The following C1QTNF3 variants were observed in gnomAD, a reference collection of about 807,000 sequenced individuals.
The protein encoded by C1QTNF3 is C1q and TNF related 3.
Under a neutral mutation model 32.6 loss-of-function variants are expected in C1QTNF3, and 26 were observed. The ratio of observed to expected loss-of-function variants is 0.80; its 90% confidence interval spans 0.58 to 1.11. The LOEUF (loss-of-function observed/expected upper bound fraction) is 1.11, where lower values mean the gene tolerates loss of function less well. Ranked by LOEUF, C1QTNF3 falls within the 50% of genes least tolerant of loss-of-function variation. The pLI is 0.00. For missense variants in C1QTNF3, 362 were observed against 398.2 expected (o/e 0.91, Z 0.77); for synonymous variants, 155 against 146.0 (o/e 1.06, Z -0.44).
At chr5:34,145,373 T>A in the C1QTNF3 span, among the ~76,000 whole-genome samples, 2 of 151,934 alleles carry the variant, frequency 1.3e-5, no homozygotes, top group African/African-American at 4.8e-5. Context: ...AACAACTCTA[T>A]GCACAAAAAT....
chr5:34,094,592 T>C, the C1QTNF3 span, among the ~76,000 whole-genome samples: 1 of 151,652 alleles, frequency 6.6e-6, no homozygotes. Context: ...TACAAGATGA[T>C]TCAACAGGCT....
At chr5:34,058,886 T>C in the C1QTNF3 span, among the ~76,000 whole-genome samples, 1 of 152,108 alleles carries the variant, frequency 6.6e-6, no homozygotes, top group Admixed American at 6.6e-5. Flanking sequence ...CCAACTTTCT[T>C]TGAGGTTGAA....
the C1QTNF3 span, among the ~76,000 whole-genome samples, chr5:34,120,670 A>G: frequency 6.6e-6 from 1 of 152,154 alleles, no homozygotes; most frequent in African/African-American, 2.4e-5. Flanking sequence ...TGGTTTTATA[A>G]AGAGGTGTTT....
intron 3 of C1QTNF3, among the ~76,000 whole-genome samples, chr5:34,030,293 T>A (rs1208238486): frequency 6.6e-6 from 1 of 152,176 alleles, no homozygotes; most frequent in Non-Finnish European, 1.5e-5. Flanking sequence ...CTCTGCTTAA[T>A]CAGTAAAAGA....
the C1QTNF3 span, among the ~76,000 whole-genome samples, chr5:34,072,367 GAAAGAGAAAGAAAGAA>G: frequency 9.1e-5 from 10 of 109,682 alleles, no homozygotes; most frequent in African/African-American, 3.0e-4. Flanking sequence ...AATTAAAAAA[GAAAGAGAAAGAAAGAA>G]AGAAAGAAAG....
chr5:34,221,393 T>A, the C1QTNF3 span, among the ~76,000 whole-genome samples: 3 of 152,074 alleles, frequency 2.0e-5, no homozygotes, highest in Non-Finnish European at 4.4e-5. Flanking sequence ...ATCTCAATAT[T>A]CTGGTTGATG....
the C1QTNF3 span, among the ~76,000 whole-genome samples, chr5:34,146,970 A>C: frequency 6.6e-6 from 1 of 152,204 alleles, no homozygotes; most frequent in Non-Finnish European, 1.5e-5. Flanking sequence ...TTAAATCAAG[A>C]AACAAAAAAG....
chr5:34,041,211 T>C (rs990841131), intron 1 of C1QTNF3, among the ~76,000 whole-genome samples: 1 of 152,160 alleles, frequency 6.6e-6, no homozygotes, highest in African/African-American at 2.4e-5. Context: ...GTGGTTTCCA[T>C]AGCCGTTGGT....
chr5:34,111,140 T>C, the C1QTNF3 span, among the ~76,000 whole-genome samples: 1 of 152,342 alleles, frequency 6.6e-6, no homozygotes, highest in South Asian at 2.1e-4. Context: ...GAAAGCAACA[T>C]ACTTTATCTG....
chr5:34,044,221 T>C (rs572259552), upstream of C1QTNF3, among the ~76,000 whole-genome samples: 69 of 152,350 alleles, frequency 4.5e-4, no homozygotes, highest in Middle Eastern at 0.01. Flanking sequence ...AAAATGGACA[T>C]TCCTAATTGC....
the C1QTNF3 span, among the ~76,000 whole-genome samples, chr5:34,056,454 G>GTGTGTGTATATATATATATA: frequency 8.2e-5 from 4 of 48,968 alleles, no homozygotes; most frequent in East Asian, 9.8e-4. Flanking sequence ...GTGTGTGTGT[G>GTGTGTGTATATATATATATA]TATATATATA....
At chr5:34,207,729 T>C in the C1QTNF3 span, among the ~76,000 whole-genome samples, 1 of 151,972 alleles carries the variant, frequency 6.6e-6, no homozygotes, top group Non-Finnish European at 1.5e-5. Flanking sequence ...AATGGCTTGA[T>C]AACTTAAAGT....
At chr5:34,064,864 G>A in the C1QTNF3 span, among the ~76,000 whole-genome samples, 1 of 152,144 alleles carries the variant, frequency 6.6e-6, no homozygotes, top group African/African-American at 2.4e-5. Context: ...CATCTACATT[G>A]CGGTGTGTAA....
At chr5:34,177,059 G>C in the C1QTNF3 span, among the ~76,000 whole-genome samples, 1 of 152,034 alleles carries the variant, frequency 6.6e-6, no homozygotes, top group African/African-American at 2.4e-5. Flanking sequence ...TAGGTGTAGT[G>C]GCGCATGCCT....
the C1QTNF3 span, among the ~76,000 whole-genome samples, chr5:34,177,865 C>T: frequency 6.6e-6 from 1 of 152,038 alleles, no homozygotes; most frequent in East Asian, 1.9e-4. Flanking sequence ...TCAAGAGATC[C>T]TCTGACTTCG....
the C1QTNF3 span, among the ~76,000 whole-genome samples, chr5:34,160,732 G>A: frequency 5.9e-5 from 9 of 152,012 alleles, no homozygotes; most frequent in Non-Finnish European, 1.3e-4. Context: ...CTCCCTATCT[G>A]CTAAAAGCAC....
the C1QTNF3 span, among the ~76,000 whole-genome samples, chr5:34,212,096 G>A: frequency 5.9e-5 from 9 of 151,822 alleles, no homozygotes; most frequent in Non-Finnish European, 1.0e-4. Context: ...CAGAAATAAC[G>A]CCACATATCT....
chr5:34,105,994 AGCAG>A, the C1QTNF3 span: 1 of 145,498 alleles, frequency 6.9e-6, no homozygotes, highest in African/African-American at 2.6e-5. Context: ...TTAAAAAATT[AGCAG>A]ATTTTTTAGG....
At chr5:34,124,555 TTCAC>T in the C1QTNF3 span, 5 of 653,470 alleles carry the variant, frequency 7.7e-6, no homozygotes, top group Admixed American at 2.4e-5. Flanking sequence ...CTTGTGAGAA[TTCAC>T]TCACTATCAC....
Sources: allele counts gnomAD v4.1 joint callset (sites outside exome capture counted in the v4.1 genomes callset), GRCh38; gene constraint gnomAD v4.1.1; transcripts MANE v1.5; gene names NCBI Gene and HGNC (gene_info 2026-07-23, HGNC 2026-07-21).